KLHL13: variants seen among roughly 807,000 people sequenced by gnomAD.
The protein encoded by KLHL13 is kelch-like protein 13.
A neutral mutation model predicts 37.1 loss-of-function variants in KLHL13; 10 were observed. The observed-to-expected ratio is 0.27, with a 90% CI of 0.17 to 0.46. The LOEUF (loss-of-function observed/expected upper bound fraction) is 0.46. Among genes scored for constraint, KLHL13 ranks in the 20% least tolerant of loss-of-function variants. The pLI, the probability that KLHL13 is intolerant of heterozygous loss-of-function variation, is 1.00. For missense variants in KLHL13, 360 were observed against 509.3 expected, an observed-to-expected ratio of 0.71 and a Z score of 2.82; for synonymous variants, 163 against 181.2, an observed-to-expected ratio of 0.90 and a Z score of 0.81.
rs1168492305 is a variant in KLHL13 at position 117,920,250 on chromosome X, C to A, written c.361G>T (p.Ala121Ser). 1 of 1,207,186 alleles carries A rather than the reference C, an allele frequency of 8.3e-7. No homozygotes were observed. The highest frequency in any genetic ancestry group is 1.8e-5 in the African/African-American group (1 of 56,872). ...AAAGGCAAACTACCTGTGAACATAGCCTTGAAGTAATCACTAGCAGATGCC... is the reference window on the plus strand; with the variant it reads ...AAAGGCAAACTACCTGTGAACATAGACTTGAAGTAATCACTAGCAGATGCC... Residue 121 changes from alanine to serine, a missense_variant, in exon 3 of 7, where the codon GCT (alanine) becomes TCT (serine). Physicochemically the swap from Ala to Ser is moderately conservative, Grantham distance 99 (BLOSUM62 1). This residue lies in a region of KLHL13 where 194 missense variants were observed against 225.0 expected (regional missense o/e 0.86). Coordinates refer to ENST00000262820, the Ensembl canonical transcript of KLHL13.
At chrX:117,977,206 T>C (rs1213354536), upstream of KLHL13, among the ~76,000 whole-genome samples, 1 of 111,548 alleles carries the variant, frequency 9.0e-6, no homozygotes, top group African/African-American at 3.3e-5. Context: ...CACTGAAAAA[T>C]AGAAGTGGGA....
chrX:118,101,723 G>C (rs2148176487), intron 1 of KLHL13, among the ~76,000 whole-genome samples: 1 of 111,142 alleles, frequency 9.0e-6, no homozygotes, highest in Non-Finnish European at 1.9e-5. Context: ...TCAAGGGAGG[G>C]AGGTGATTGG....
chrX:118,076,831 C>G lies in KLHL13; in HGVS notation c.-56+39677G>C, dbSNP rs1338856108. ...GTAGGCTTCCACAGTTCCTTAAAAT[C>G]TTTTTTCTCTTTCTTTTCTTTTCTT... On this transcript the variant is annotated intron_variant, in intron 1 of 6. Transcript: ENST00000371882. Among the ~76,000 whole-genome samples, 131 of 109,424 alleles carry G rather than the reference C, an allele frequency of 1.2e-3. 13 individuals carry two copies. The highest frequency in any genetic ancestry group is 3.8e-5 in the Non-Finnish European group (2 of 52,426).
intron 1 of KLHL13, among the ~76,000 whole-genome samples, chrX:117,984,364 ATGT>A (rs907858169): frequency 4.5e-5 from 5 of 111,661 alleles, no homozygotes; most frequent in Non-Finnish European, 7.5e-5. Flanking sequence ...TATTTCATTT[ATGT>A]TGTTATCAGC....
chrX:117,954,342 C>T (rs1933793695), intron 1 of KLHL13, among the ~76,000 whole-genome samples: 2 of 111,631 alleles, frequency 1.8e-5, no homozygotes, highest in South Asian at 7.5e-4. Flanking sequence ...ATTTCTCATT[C>T]TCCACATTTC....
chrX:117,948,899 C>T lies in KLHL13; in HGVS notation c.99-3324G>A, dbSNP rs146237078. ...ACCATTTTACTGAAAGCATTGTAAA[C>T]GTGGTCAAACCAAACATACACAGAC... On this transcript the variant is annotated intron_variant, in intron 1 of 6. Coordinates refer to ENST00000262820, the Ensembl canonical transcript of KLHL13. 3.4e-3 allele frequency among the ~76,000 whole-genome samples: 378 copies of T among 111,845 alleles called. 3 individuals carry two copies. Among genetic ancestry groups the T allele is most frequent in the African/African-American group, 0.012 (356 of 30,770 alleles).
intron 1 of KLHL13, among the ~76,000 whole-genome samples, chrX:118,002,449 C>T (rs752125141): frequency 4.7e-4 from 51 of 108,834 alleles, no homozygotes; most frequent in African/African-American, 1.1e-3. Flanking sequence ...CAAAATTAGC[C>T]GGGCGTGGTG....
At chrX:117,913,291 TGGATACATAAAA>T (rs1167600517) in intron 4 of KLHL13, among the ~76,000 whole-genome samples, 1 of 112,139 alleles carries the variant, frequency 8.9e-6, no homozygotes, top group Non-Finnish European at 1.9e-5. Flanking sequence ...GTTTATCCAC[TGGATACATAAAA>T]GGATAAATGG....
chrX:117,956,188 A>C (rs1466669446), intron 1 of KLHL13, among the ~76,000 whole-genome samples: 1 of 112,057 alleles, frequency 8.9e-6, no homozygotes, highest in Non-Finnish European at 1.9e-5. Context: ...AGTAATTCTA[A>C]AGAAGGATTC....
At position 118,037,762 on chromosome X, in the gene KLHL13, A is replaced by G. The variant is rs747110536; in HGVS notation, c.-56+78746T>C. Among the ~76,000 whole-genome samples the G allele has an allele frequency of 1.3e-3, 149 of 111,875 alleles. 2 individuals are homozygous for G. Among genetic ancestry groups the G allele is most frequent in the Non-Finnish European group, 7.0e-4 (37 of 53,176 alleles). On this transcript the variant is annotated intron_variant, in intron 1 of 6. Transcript: ENST00000371882. ...AGTATAATAGTAATTAAAAAAAAGAAAAGAAAATTAGCACAGCTCCAATAT... is the reference window on the plus strand; with the variant it reads ...AGTATAATAGTAATTAAAAAAAAGAGAAGAAAATTAGCACAGCTCCAATAT...
intron 2 of KLHL13, among the ~76,000 whole-genome samples, chrX:117,933,976 C>G (rs1932625830): frequency 9.0e-6 from 1 of 110,989 alleles, no homozygotes; most frequent in Non-Finnish European, 1.9e-5. Flanking sequence ...GAAATCATGT[C>G]CTCTGCAGCA....
intron 1 of KLHL13, among the ~76,000 whole-genome samples, chrX:117,968,562 G>C (rs1181937046): frequency 1.8e-5 from 2 of 111,452 alleles, no homozygotes; most frequent in African/African-American, 3.3e-5. Flanking sequence ...ACATAATTTT[G>C]TTAAATTGTG....
chrX:118,014,366 G>A (rs1157602803), intron 1 of KLHL13, among the ~76,000 whole-genome samples: 3 of 111,935 alleles, frequency 2.7e-5, no homozygotes, highest in Non-Finnish European at 3.8e-5. Flanking sequence ...GTCTCCTGCA[G>A]TGCCTTCAGG....
intron 1 of KLHL13, among the ~76,000 whole-genome samples, chrX:117,963,221 TA>T (rs1256148385): frequency 2.7e-5 from 3 of 111,635 alleles, no homozygotes; most frequent in Non-Finnish European, 5.6e-5. Context: ...GGGAAATGGG[TA>T]AAAACAACAG....
chrX:118,000,944 G>A (rs2053914157), intron 1 of KLHL13, among the ~76,000 whole-genome samples: 3 of 111,551 alleles, frequency 2.7e-5, no homozygotes, highest in African/African-American at 9.8e-5. Flanking sequence ...TTGTCTCAAG[G>A]GTTTCATATA....
intron 1 of KLHL13, among the ~76,000 whole-genome samples, chrX:118,045,570 G>A (rs190331800): frequency 3.6e-5 from 4 of 110,679 alleles, no homozygotes; most frequent in African/African-American, 1.3e-4. Context: ...TTGGGAGGCT[G>A]AGGCTAGTGG....
chrX:118,047,958 T>C (rs1374011474), intron 1 of KLHL13, among the ~76,000 whole-genome samples: 1 of 111,595 alleles, frequency 9.0e-6, no homozygotes, highest in Non-Finnish European at 1.9e-5. Flanking sequence ...CAGATGTTGC[T>C]GAGAGATTAA....
At chrX:117,948,301 G>T (rs746538997) in intron 1 of KLHL13, among the ~76,000 whole-genome samples, 1 of 111,977 alleles carries the variant, frequency 8.9e-6, no homozygotes, top group South Asian at 3.7e-4. Flanking sequence ...GGTAATGCTA[G>T]CAATATGAAA....
intron 1 of KLHL13, among the ~76,000 whole-genome samples, chrX:117,951,290 G>T (rs1241835833): frequency 9.0e-6 from 1 of 111,658 alleles, no homozygotes; most frequent in African/African-American, 3.3e-5. Flanking sequence ...AATATTGAAA[G>T]ATTTGTCCCC....
Sources: allele counts gnomAD v4.1 joint callset (sites outside exome capture counted in the v4.1 genomes callset), GRCh38; gene constraint gnomAD v4.1.1; regional missense constraint gnomAD v4.1.1; transcripts MANE v1.5; gene names NCBI Gene and HGNC (gene_info 2026-07-23, HGNC 2026-07-21).